Variants in SMARCA2 observed in about 807,000 individuals in gnomAD.
SMARCA2 encodes SWI/SNF related BAF chromatin remodeling complex subunit ATPase 2, also known as SWI/SNF-related matrix-associated actin-dependent regulator of chromatin subfamily A member 2.
Under a neutral mutation model 199.8 loss-of-function variants are expected in SMARCA2, and 61 were observed. The ratio of observed to expected loss-of-function variants is 0.31; its 90% CI spans 0.25 to 0.38. The LOEUF (loss-of-function observed/expected upper bound fraction) is 0.38, where lower values mean the gene tolerates loss of function less well. SMARCA2 is among the 10% of genes least tolerant of loss of function. The pLI is 1.00. For missense variants in SMARCA2, 1,344 were observed against 2,012.2 expected (o/e 0.67, Z 6.35); for synonymous variants, 935 against 732.0 (o/e 1.28, Z -4.48).
At chr9:2,084,264 A>C (rs1821699177) in intron 17 of SMARCA2, 68 bp downstream of exon 17, 2 of 798,410 alleles carry the variant, frequency 2.5e-6, no homozygotes, top group Non-Finnish European at 4.1e-6. Context: ...GTATTGCCCA[A>C]GTCAGTAGTG....
chr9:2,072,787 A>G (rs1427628285), intron 10 of SMARCA2, among the ~76,000 whole-genome samples: 2 of 152,230 alleles, frequency 1.3e-5, no homozygotes, highest in African/African-American at 2.4e-5. Context: ...ACTCAGGGCT[A>G]TCCCCAATAT....
At chr9:2,179,548 G>T (rs1676526893) in intron 29 of SMARCA2, among the ~76,000 whole-genome samples, 1 of 152,154 alleles carries the variant, frequency 6.6e-6, no homozygotes, top group African/African-American at 2.4e-5. Flanking sequence ...TCCTTATGGG[G>T]TTTAGAATTT....
At chr9:2,033,595 TC>T (rs1192644195) in intron 3 of SMARCA2, among the ~76,000 whole-genome samples, 1 of 152,248 alleles carries the variant, frequency 6.6e-6, no homozygotes, top group African/African-American at 2.4e-5. Flanking sequence ...AAATTATGTG[TC>T]ATTTCTGGTG....
At chr9:2,149,456 G>A (rs552588380) in intron 27 of SMARCA2, among the ~76,000 whole-genome samples, 2 of 151,600 alleles carry the variant, frequency 1.3e-5, no homozygotes, top group South Asian at 4.2e-4. Flanking sequence ...GGAAGCAGAG[G>A]TTGCAGTGAG....
intron 19 of SMARCA2, among the ~76,000 whole-genome samples, chr9:2,091,048 T>A (rs1822032493): frequency 1.3e-5 from 2 of 151,996 alleles, no homozygotes; most frequent in Admixed American, 1.3e-4. Context: ...AATTCTCAAA[T>A]GTTTTTATGA....
intron 29 of SMARCA2, among the ~76,000 whole-genome samples, chr9:2,176,704 C>T (rs1826629912): frequency 6.8e-6 from 1 of 148,128 alleles, no homozygotes; most frequent in Admixed American, 6.9e-5. Flanking sequence ...AGGCACATGC[C>T]ACCACGCCTG....
Position 2,193,338 on chromosome 9 carries a change from G to A in SMARCA2, c.*599G>A, listed in dbSNP as rs1445669656. On this transcript the variant is annotated 3_prime_UTR_variant, in exon 34 of 34. Coordinates refer to ENST00000349721, the MANE Select transcript of SMARCA2 (RefSeq NM_003070.5). ...GAATTGTATAAGATTTATGTCTACT[G>A]TAAACATTGCTTAATTTTTTTGCTC... 1 of 152,564 alleles carries A rather than the reference G, an allele frequency of 6.6e-6. No individual in the cohort carries two copies. The highest frequency in any genetic ancestry group is 2.4e-5 in the African/African-American group (1 of 41,430). The allele number at this position is 152,564 out of a possible 1,614,324, so 9.5% of individuals were successfully genotyped here.
intron 12 of SMARCA2, 94 bp from the exon 13 acceptor site, chr9:2,076,135 G>C (rs1821314561): frequency 6.9e-6 from 5 of 728,732 alleles, no homozygotes; most frequent in Non-Finnish European, 1.2e-5. Context: ...CATTTGTGAA[G>C]TTCAATACTA....
rs1441354939 is a variant in SMARCA2, at chr9:2,032,953, C to T, written c.227C>T (p.Pro76Leu). 1 of 1,613,174 alleles carries T rather than the reference C, an allele frequency of 6.2e-7. No individual in the cohort carries two copies. The highest frequency in any genetic ancestry group is 8.5e-7 in the Non-Finnish European group (1 of 1,179,552). ...PQEGMHQMHKPIDGIHDKGIV... is the reference protein window; with the variant it reads ...PQEGMHQMHKLIDGIHDKGIV... ...ACTAATGTCCTTTAAATGTTTCAGC[C>T]CATCGATGGTATACATGACAAGGGG... The change falls in exon 3 of 34, where the codon CCC becomes CTC. Residue 76 changes from proline (P) to leucine (L), a missense_variant and splice_region_variant. Transcript: ENST00000349721.
At chr9:2,107,644 T>C (rs1474210363) in intron 23 of SMARCA2, among the ~76,000 whole-genome samples, 1 of 152,158 alleles carries the variant, frequency 6.6e-6, no homozygotes. Flanking sequence ...ACACCAGATA[T>C]ATGGTTGGCC....
intron 7 of SMARCA2, among the ~76,000 whole-genome samples, chr9:2,057,339 G>A (rs1187256847): frequency 6.6e-6 from 1 of 152,086 alleles, no homozygotes; most frequent in Admixed American, 6.5e-5. Context: ...CATTCGTAAG[G>A]GCTCTACCCT....
At position 2,123,098 on chromosome 9, in the gene SMARCA2, G is replaced by C. The variant is rs1333546177; in HGVS notation, c.3763-621G>C. 6.6e-6 allele frequency among the ~76,000 whole-genome samples: 1 copy of C among 152,178 alleles called. No homozygotes were observed. The highest frequency in any genetic ancestry group is 6.5e-5 in the Admixed American group (1 of 15,278). ...AAGAGCACAAAGCTTAAAATGTAAA[G>C]AATTGAAGAGCATTCCTCAGACAGT... On this transcript the variant is annotated intron_variant, in intron 26 of 33. Coordinates refer to ENST00000349721, the MANE Select transcript of SMARCA2 (RefSeq NM_003070.5). The surrounding 1 kb of genome is among the most constrained non-coding windows in gnomAD (Gnocchi z 4.1).
chr9:2,095,897 A>G (rs1400105170), intron 19 of SMARCA2, among the ~76,000 whole-genome samples: 2 of 152,232 alleles, frequency 1.3e-5, no homozygotes, highest in Non-Finnish European at 2.9e-5. Flanking sequence ...ATAAAGAAAA[A>G]CAATGGTAGG....
intron 32 of SMARCA2, among the ~76,000 whole-genome samples, chr9:2,186,556 T>A (rs1033924393): frequency 1.3e-5 from 2 of 152,166 alleles, no homozygotes; most frequent in African/African-American, 4.8e-5. Context: ...CGGAGTGCAG[T>A]GGCATGATCT....
At chr9:2,168,162 C>T (rs1586781927) in intron 28 of SMARCA2, among the ~76,000 whole-genome samples, 1 of 151,858 alleles carries the variant, frequency 6.6e-6, no homozygotes, top group East Asian at 1.9e-4. Flanking sequence ...TGGGCGTGCA[C>T]CACGATGCCT....
chr9:2,178,071 G>T (rs1421381332), intron 29 of SMARCA2, among the ~76,000 whole-genome samples: 1 of 116,038 alleles, frequency 8.6e-6, no homozygotes, highest in Non-Finnish European at 1.7e-5. Flanking sequence ...TCTCAGTAGT[G>T]TGTGTATATA....
At position 2,039,377 on chromosome 9, in the gene SMARCA2, G is replaced by A. The variant is rs989038291; in HGVS notation, c.356-89G>A. The A allele has an allele frequency of 7.2e-6, 9 of 1,245,054 alleles. No individual in the cohort carries two copies. Among genetic ancestry groups the A allele is most frequent in the Non-Finnish European group, 1.0e-5 (9 of 887,904 alleles). 77.1% of individuals were successfully genotyped at this position (1,245,054 alleles called of 1,614,324 possible). The stretch of plus-strand genomic sequence containing the variant: ...ATTCAAATTTCTGTCAGACAGTGTT[G>A]CTGTGGACAATTATTAGAGTATTCA... On this transcript the variant is annotated intron_variant, in intron 3 of 33. Coordinates refer to ENST00000349721, the MANE Select transcript of SMARCA2 (RefSeq NM_003070.5). This position sits in a 1 kb window ranked among gnomAD's most constrained non-coding sequence, Gnocchi z 4.8.
intron 22 of SMARCA2, 110 bp from the exon 23 acceptor site, chr9:2,103,893 T>C (rs1822640414): frequency 3.8e-6 from 3 of 780,964 alleles, no homozygotes; most frequent in Non-Finnish European, 6.2e-6. Flanking sequence ...CAGTTACTTA[T>C]TGAATGTTTA....
chr9:2,057,565 A>G (rs1820410481), intron 7 of SMARCA2, among the ~76,000 whole-genome samples: 1 of 152,238 alleles, frequency 6.6e-6, no homozygotes, highest in South Asian at 2.1e-4. Context: ...GTAGAAAGCA[A>G]AAAGTTATTT....
Sources: gnomAD v4.1 joint callset for allele counts (sites outside exome capture counted in the v4.1 genomes callset) on GRCh38, gnomAD v4.1.1 for gene constraint, Gnocchi (gnomAD v3.1) non-coding constraint, MANE v1.5 for transcripts, NCBI Gene and HGNC (gene_info 2026-07-23, HGNC 2026-07-21) for gene names.